The following SLC30A6 variants were observed in gnomAD, a reference collection of about 807,000 sequenced individuals.
The protein encoded by SLC30A6 is zinc transporter 6.
SLC30A6 carries 55 observed loss-of-function variants against 63.0 expected under a neutral mutation model. The observed-to-expected ratio is 0.87, with a 90% confidence interval of 0.70 to 1.09. SLC30A6 has a LOEUF of 1.09. SLC30A6 is among the 50% of genes least tolerant of loss of function. The pLI is 0.00. For missense variants in SLC30A6, 587 were observed against 549.2 expected (o/e 1.07, Z -0.69); for synonymous variants, 224 against 186.1 (o/e 1.20, Z -1.66).
At chr2:32,166,062 C>G (rs977542561) in intron 1 of SLC30A6, among the ~76,000 whole-genome samples, 159 bp downstream of exon 1, 1 of 152,218 alleles carries the variant, frequency 6.6e-6, no homozygotes, top group Non-Finnish European at 1.5e-5. Context: ...AAAATGTTCC[C>G]CTTCAGAGTT....
intron 1 of SLC30A6, 68 bp downstream of exon 1, chr2:32,165,971 C>G (rs1162617301): frequency 1.2e-6 from 2 of 1,609,422 alleles, no homozygotes; most frequent in Middle Eastern, 3.3e-4. Context: ...GGTCCCGAAG[C>G]GACCTTGAAA....
At chr2:32,214,786 C>G (rs1420962110) in intron 13 of SLC30A6, among the ~76,000 whole-genome samples, 1 of 152,150 alleles carries the variant, frequency 6.6e-6, no homozygotes, top group Non-Finnish European at 1.5e-5. Flanking sequence ...AGTTCATACT[C>G]TGAAAACAGA....
intron 4 of SLC30A6, 93 bp downstream of exon 4, chr2:32,175,454 C>A: frequency 1.0e-6 from 1 of 1,002,544 alleles, no homozygotes; most frequent in Non-Finnish European, 1.5e-6. Flanking sequence ...AAAACAGCAA[C>A]TACTGATATC....
At chr2:32,207,412 T>G (rs1296037510) in intron 12 of SLC30A6, among the ~76,000 whole-genome samples, 1 of 151,874 alleles carries the variant, frequency 6.6e-6, no homozygotes, top group Non-Finnish European at 1.5e-5. Flanking sequence ...AGTCTTGCTC[T>G]GTCGCCCAGG....
In SLC30A6 at chr2:32,197,406, G is replaced by C. The variant is rs1355420239; in HGVS notation, c.545+14G>C. On this transcript the variant is annotated intron_variant, in intron 9 of 13. Coordinates refer to ENST00000282587, the MANE Select transcript of SLC30A6 (RefSeq NM_017964.5). ...TCTTAGTCGAAGGTAAGATGTTATG[G>C]AGTTTCATGATATGCATAATTTAAA... 1.5e-5 allele frequency: 24 copies of C among 1,608,972 alleles called. No homozygotes were observed. Among genetic ancestry groups the C allele is most frequent in the South Asian group, 2.2e-5 (2 of 90,880 alleles).
In SLC30A6 at chr2:32,209,476, C is replaced by G; in HGVS notation, c.817-17C>G. 1.3e-6 allele frequency: 2 copies of G among 1,597,300 alleles called. No individual in the cohort carries two copies. The highest frequency in any genetic ancestry group is 1.8e-5 in the Admixed American group (1 of 55,920). ...TAAGTACAGACAACTCTGATCACCTCTTTCTGTTTTTGGTAGGTATCTACC... is the reference window on the plus strand; with the variant it reads ...TAAGTACAGACAACTCTGATCACCTGTTTCTGTTTTTGGTAGGTATCTACC... On this transcript the variant is annotated splice_polypyrimidine_tract_variant and intron_variant, in intron 12 of 13. Coordinates refer to ENST00000282587, the MANE Select transcript of SLC30A6 (RefSeq NM_017964.5).
chr2:32,183,992 T>A (rs1682587530), intron 4 of SLC30A6, among the ~76,000 whole-genome samples: 1 of 152,220 alleles, frequency 6.6e-6, no homozygotes, highest in Non-Finnish European at 1.5e-5. Context: ...AGTGGAAGTA[T>A]GAATTTAGGT....
At chr2:32,170,300 A>G (rs765752041) in intron 1 of SLC30A6, among the ~76,000 whole-genome samples, 7 of 152,180 alleles carry the variant, frequency 4.6e-5, no homozygotes, top group Non-Finnish European at 1.0e-4. Flanking sequence ...TCAAAATACC[A>G]TTTATTGACT....
chr2:32,220,244 A>T lies in SLC30A6; in HGVS notation c.917A>T (p.Asp306Val). ...TCAGTGCATGTAAGAATTCGACGAGATGCCAATGAACAAATGGTTCTTGCT... is the reference window on the plus strand; with the variant it reads ...TCAGTGCATGTAAGAATTCGACGAGTTGCCAATGAACAAATGGTTCTTGCT... ...AGSVHVRIRR[D>V]ANEQMVLAHV... Residue 306 changes from aspartate to valine, a missense_variant, in exon 14 of 14, where the codon GAT becomes GTT. By Grantham distance (152) the Asp-to-Val change is radical. Transcript: ENST00000282587. 2.5e-6 allele frequency: 4 copies of T among 1,614,086 alleles called. No individual in the cohort carries two copies. Among genetic ancestry groups the T allele is most frequent in the Non-Finnish European group, 3.4e-6 (4 of 1,179,918 alleles).
chr2:32,195,064 A>G (rs1474254162), intron 8 of SLC30A6, among the ~76,000 whole-genome samples: 1 of 150,028 alleles, frequency 6.7e-6, no homozygotes, highest in Non-Finnish European at 1.5e-5. Flanking sequence ...TTATGTGCTT[A>G]CTTAGAATTG....
intron 10 of SLC30A6, chr2:32,201,765 C>G: frequency 7.4e-7 from 1 of 1,353,064 alleles, no homozygotes; most frequent in Non-Finnish European, 1.0e-6. Flanking sequence ...AAGATTTAAA[C>G]AAGATAAGCT....
rs1423742842 is a variant in SLC30A6, at chr2:32,222,435, C to G, written c.*1722C>G. The G allele has an allele frequency of 6.6e-6, 1 of 152,122 alleles. No homozygotes were observed. The highest frequency in any genetic ancestry group is 2.4e-5 in the African/African-American group (1 of 41,434). 9.4% of individuals were successfully genotyped at this position (152,122 alleles called of 1,614,324 possible). The stretch of plus-strand genomic sequence containing the variant: ...CAACAGTTTCTTCAGTCAACTCATT[C>G]ACTTTCAAATAGGAGCAGCACTTTG... On this transcript the variant is annotated 3_prime_UTR_variant, in exon 14 of 14. Coordinates refer to ENST00000282587, the MANE Select transcript of SLC30A6 (RefSeq NM_017964.5).
chr2:32,181,951 T>TTTTTC (rs749568502), intron 4 of SLC30A6, among the ~76,000 whole-genome samples: 1 of 149,872 alleles, frequency 6.7e-6, no homozygotes, highest in Non-Finnish European at 1.5e-5. Flanking sequence ...TTTTTTTTTT[T>TTTTTC]TGAGACAGGG....
At position 32,220,788 on chromosome 2, in the gene SLC30A6, G is replaced by T; in HGVS notation, c.*75G>T. The T allele has an allele frequency of 7.6e-7, 1 of 1,312,046 alleles. No homozygotes were observed. 81.3% of individuals were successfully genotyped at this position (1,312,046 alleles called of 1,614,324 possible). On this transcript the variant is annotated 3_prime_UTR_variant, in exon 14 of 14. Coordinates refer to ENST00000282587, the MANE Select transcript of SLC30A6 (RefSeq NM_017964.5). ...TTATTTAGTAATCCAACTTTGCATT[G>T]ACTGTTTAATCATTTACTCTAAATG... is the stretch of plus-strand genomic sequence containing the variant.
chr2:32,175,338 C>T lies in SLC30A6; in HGVS notation c.195C>T (p.Tyr65=), dbSNP rs374603049. The change falls in exon 4 of 14, where the codon TAC becomes TAT. Residue 65 remains tyrosine, a synonymous_variant. Transcript: ENST00000282587. ...TNSIALTAYT[Y]LTIFDLFSLM... ...TTGCAGCTTTAACTGCCTATACTTA[C>T]CTGACCATTTTTGATCTTTTTAGGT... is the stretch of plus-strand genomic sequence containing the variant. The T allele has an allele frequency of 1.9e-6, 3 of 1,611,578 alleles. No homozygotes were observed. Among genetic ancestry groups the T allele is most frequent in the African/African-American group, 1.3e-5 (1 of 74,796 alleles).
intron 5 of SLC30A6, among the ~76,000 whole-genome samples, chr2:32,186,733 C>G (rs917093388): frequency 6.6e-6 from 1 of 151,016 alleles, no homozygotes; most frequent in Non-Finnish European, 1.5e-5. Flanking sequence ...TGCAGTGGCT[C>G]ATGCCTGTAA....
At chr2:32,184,238 G>T (rs1299260993) in intron 4 of SLC30A6, 35 bp from the exon 5 acceptor site, 1 of 1,276,684 alleles carries the variant, frequency 7.8e-7, no homozygotes, top group Admixed American at 2.2e-5. Context: ...TTCTCTTCTA[G>T]TTCTAATACT....
At chr2:32,180,483 C>G (rs1056063421) in intron 4 of SLC30A6, among the ~76,000 whole-genome samples, 1 of 151,800 alleles carries the variant, frequency 6.6e-6, no homozygotes, top group Non-Finnish European at 1.5e-5. Flanking sequence ...AGCTAGAGTA[C>G]AGTGGCACGA....
chr2:32,200,660 C>G (rs1382007122), intron 10 of SLC30A6, among the ~76,000 whole-genome samples: 2 of 151,176 alleles, frequency 1.3e-5, no homozygotes. Flanking sequence ...AGGCAGCATG[C>G]TCGTTAAGAG....
Sources: gnomAD v4.1 joint callset for allele counts (sites outside exome capture counted in the v4.1 genomes callset) on GRCh38, gnomAD v4.1.1 for gene constraint, MANE v1.5 for transcripts, NCBI Gene and HGNC (gene_info 2026-07-23, HGNC 2026-07-21) for gene names.